Variants in GRID1 observed in about 807,000 individuals in gnomAD.
GRID1 encodes the protein glutamate receptor ionotropic, delta-1.
Under a neutral mutation model 98.0 loss-of-function variants are expected in GRID1, and 28 were observed. The ratio of observed to expected loss-of-function variants is 0.29; its 90% CI spans 0.21 to 0.39. The LOEUF (loss-of-function observed/expected upper bound fraction) is 0.39. Among genes scored for constraint, GRID1 ranks in the 10% least tolerant of loss-of-function variants. The pLI, the probability that GRID1 is intolerant of heterozygous loss-of-function variation, is 1.00. For synonymous variants in GRID1, 553 were observed against 538.5 expected (o/e 1.03, Z -0.37); for missense variants, 1,111 against 1,340.5 (o/e 0.83, Z 2.67).
chr10:85,952,347 G>T (rs1842136591), intron 4 of GRID1, among the ~76,000 whole-genome samples: 1 of 152,200 alleles, frequency 6.6e-6, no homozygotes, highest in Non-Finnish European at 1.5e-5. Context: ...GCCTGGTTTT[G>T]TTTGTTTTGC....
intron 13 of GRID1, among the ~76,000 whole-genome samples, chr10:85,643,506 G>C (rs1007106110): frequency 6.6e-6 from 1 of 152,146 alleles, no homozygotes; most frequent in African/African-American, 2.4e-5. Flanking sequence ...CAGAGGGGCC[G>C]CTCCATAGGA....
intron 4 of GRID1, among the ~76,000 whole-genome samples, chr10:86,012,175 C>G (rs1842929838): frequency 6.6e-6 from 1 of 152,098 alleles, no homozygotes; most frequent in African/African-American, 2.4e-5. Context: ...CACCTATAAC[C>G]ACATTCCCAA....
chr10:86,352,411 AC>A (rs1263182960), intron 2 of GRID1, among the ~76,000 whole-genome samples: 1 of 152,126 alleles, frequency 6.6e-6, no homozygotes, highest in Non-Finnish European at 1.5e-5. Flanking sequence ...TAAACAACAG[AC>A]GAATTTATTT....
chr10:85,782,480 G>T (rs11201794), intron 8 of GRID1, among the ~76,000 whole-genome samples: 8,087 of 152,254 alleles, frequency 0.053, 364 homozygotes, highest in African/African-American at 0.12. Flanking sequence ...AATCACTGCT[G>T]TCTTATATGT....
At chr10:85,693,134 A>G (rs1841352495) in intron 12 of GRID1, among the ~76,000 whole-genome samples, 1 of 149,222 alleles carries the variant, frequency 6.7e-6, no homozygotes, top group South Asian at 2.1e-4. Flanking sequence ...TAAACTAAGT[A>G]GTCATCAAGA....
intron 12 of GRID1, 160 bp from the exon 13 acceptor site, chr10:85,647,557 G>T (rs1843211586): frequency 4.8e-6 from 3 of 629,244 alleles, no homozygotes; most frequent in Non-Finnish European, 8.5e-6. Flanking sequence ...CTTCAGCCCA[G>T]AGTGGGACTT....
chr10:86,038,799 A>G (rs1263150273), intron 4 of GRID1, among the ~76,000 whole-genome samples: 1 of 152,230 alleles, frequency 6.6e-6, no homozygotes, highest in Admixed American at 6.5e-5. Context: ...TGTGTTGGCT[A>G]AAGTGATGAC....
intron 12 of GRID1, among the ~76,000 whole-genome samples, chr10:85,704,288 T>A (rs1023443358): frequency 6.6e-6 from 1 of 151,758 alleles, no homozygotes; most frequent in Non-Finnish European, 1.5e-5. Context: ...ACCAAGCAAG[T>A]GGAAAACAAA....
chr10:86,297,913 A>G (rs1022144648), intron 2 of GRID1, among the ~76,000 whole-genome samples: 1 of 152,244 alleles, frequency 6.6e-6, no homozygotes, highest in African/African-American at 2.4e-5. Flanking sequence ...CAAAGGCTTA[A>G]TTGCCACATC....
At chr10:86,263,405 G>T (rs548578174) in intron 2 of GRID1, among the ~76,000 whole-genome samples, 1 of 152,190 alleles carries the variant, frequency 6.6e-6, no homozygotes. Context: ...CTCCCAGCTC[G>T]TCAGAATCCA....
chr10:85,718,882 A>G (rs1564569304), intron 12 of GRID1, among the ~76,000 whole-genome samples: 1 of 152,060 alleles, frequency 6.6e-6, no homozygotes, highest in African/African-American at 2.4e-5. Flanking sequence ...TCCTCAAAAC[A>G]TGGGTGTTTC....
At chr10:85,797,086 G>C (rs1231721610) in intron 8 of GRID1, among the ~76,000 whole-genome samples, 1 of 152,114 alleles carries the variant, frequency 6.6e-6, no homozygotes, top group African/African-American at 2.4e-5. Flanking sequence ...AAAGGATAAA[G>C]TGTATATATA....
intron 4 of GRID1, among the ~76,000 whole-genome samples, chr10:86,053,754 G>C: frequency 6.6e-6 from 1 of 152,160 alleles, no homozygotes; most frequent in East Asian, 1.9e-4. Context: ...CAGGGAAAGG[G>C]GAAAGATGCA....
At chr10:86,165,594 A>G (rs902421628) in intron 3 of GRID1, among the ~76,000 whole-genome samples, 2 of 152,160 alleles carry the variant, frequency 1.3e-5, no homozygotes, top group African/African-American at 4.8e-5. Flanking sequence ...GGGAGATCCA[A>G]TATTGGGTGG....
chr10:86,007,221 G>C (rs1367116104), intron 4 of GRID1, among the ~76,000 whole-genome samples: 2 of 152,204 alleles, frequency 1.3e-5, no homozygotes, highest in South Asian at 2.1e-4. Flanking sequence ...AGACTACAAA[G>C]TTTTGCCTAA....
At chr10:86,188,154 G>A (rs1323358960) in intron 3 of GRID1, among the ~76,000 whole-genome samples, 1 of 152,238 alleles carries the variant, frequency 6.6e-6, no homozygotes, top group African/African-American at 2.4e-5. Context: ...AGCAAGTTGG[G>A]CACTAGTTCT....
chr10:85,918,360 G>A (rs1003700486), intron 4 of GRID1, among the ~76,000 whole-genome samples: 1 of 151,760 alleles, frequency 6.6e-6, no homozygotes, highest in Admixed American at 6.6e-5. Context: ...TAACCACTCT[G>A]GTCTCTGTTC....
intron 3 of GRID1, among the ~76,000 whole-genome samples, chr10:86,170,659 A>G (rs981670998): frequency 6.6e-6 from 1 of 152,140 alleles, no homozygotes; most frequent in Non-Finnish European, 1.5e-5. Flanking sequence ...CTACACACAC[A>G]AACACACCCA....
intron 6 of GRID1, among the ~76,000 whole-genome samples, 156 bp downstream of exon 6, chr10:85,868,854 G>A (rs1043388464): frequency 1.3e-5 from 2 of 152,200 alleles, no homozygotes; most frequent in African/African-American, 4.8e-5. Flanking sequence ...GCTGTTCAGA[G>A]ACACTGCCCA....
Sources: gnomAD v4.1 joint callset for allele counts (sites outside exome capture counted in the v4.1 genomes callset) on GRCh38, gnomAD v4.1.1 for gene constraint, MANE v1.5 for transcripts, NCBI Gene and HGNC (gene_info 2026-07-23, HGNC 2026-07-21) for gene names.